FAF1: variants seen among roughly 807,000 people sequenced by gnomAD.
The protein encoded by FAF1 is Fas associated factor 1.
FAF1 carries 25 observed loss-of-function variants against 92.5 expected under a neutral mutation model. The observed-to-expected ratio is 0.27, with a 90% confidence interval of 0.20 to 0.38. FAF1 has a LOEUF of 0.38. FAF1 is among the 10% of genes least tolerant of loss of function. FAF1 has a pLI of 1.00. For missense variants in FAF1, 636 were observed against 793.3 expected (o/e 0.80, Z 2.38); for synonymous variants, 234 against 273.2 (o/e 0.86, Z 1.42).
intron 4 of FAF1, among the ~76,000 whole-genome samples, chr1:50,784,398 A>G (rs938287634): frequency 6.6e-6 from 1 of 152,214 alleles, no homozygotes; most frequent in Non-Finnish European, 1.5e-5. Flanking sequence ...CTATATACTA[A>G]CACTGAACAA....
intron 6 of FAF1, among the ~76,000 whole-genome samples, chr1:50,729,503 T>C (rs1031078555): frequency 2.0e-4 from 30 of 151,342 alleles, no homozygotes; most frequent in Non-Finnish European, 4.1e-4. Flanking sequence ...GCCTCCTGGG[T>C]TCAAGCAATT....
intron 13 of FAF1, among the ~76,000 whole-genome samples, chr1:50,552,510 A>G (rs1216643518): frequency 6.6e-6 from 1 of 152,188 alleles, no homozygotes; most frequent in Non-Finnish European, 1.5e-5. Context: ...GAAAAGATTG[A>G]TATAACTCTT....
chr1:50,473,992 G>A (rs976582217), intron 18 of FAF1, among the ~76,000 whole-genome samples: 1 of 152,092 alleles, frequency 6.6e-6, no homozygotes, highest in Non-Finnish European at 1.5e-5. Context: ...ATATAAAGCA[G>A]GAATACCAGA....
intron 1 of FAF1, among the ~76,000 whole-genome samples, chr1:50,876,013 T>C (rs1420879154): frequency 6.6e-6 from 1 of 152,220 alleles, no homozygotes; most frequent in East Asian, 1.9e-4. Flanking sequence ...CTGAAGCAGC[T>C]CACTGTCTAA....
At chr1:50,551,724 A>T (rs1372213765) in intron 13 of FAF1, among the ~76,000 whole-genome samples, 1 of 152,180 alleles carries the variant, frequency 6.6e-6, no homozygotes, top group Non-Finnish European at 1.5e-5. Flanking sequence ...GTTCCAAAAG[A>T]TCCTTTAGAT....
At chr1:50,824,644 T>C (rs1238892045) in intron 2 of FAF1, among the ~76,000 whole-genome samples, 1 of 152,144 alleles carries the variant, frequency 6.6e-6, no homozygotes, top group East Asian at 1.9e-4. Context: ...ATAGTTGCAC[T>C]CCTATGTTTA....
chr1:50,463,178 G>T (rs1449799142), intron 18 of FAF1, among the ~76,000 whole-genome samples: 1 of 152,120 alleles, frequency 6.6e-6, no homozygotes, highest in East Asian at 1.9e-4. Context: ...AAAAGCCCTG[G>T]GCAGAGTCCC....
chr1:50,792,117 A>G (rs1661583624), intron 3 of FAF1, among the ~76,000 whole-genome samples: 1 of 152,214 alleles, frequency 6.6e-6, no homozygotes, highest in Non-Finnish European at 1.5e-5. Context: ...TTTGATGGTA[A>G]TAATGACACC....
chr1:50,523,987 G>A (rs1349687353), intron 15 of FAF1, among the ~76,000 whole-genome samples: 1 of 152,154 alleles, frequency 6.6e-6, no homozygotes, highest in African/African-American at 2.4e-5. Flanking sequence ...CACAATGGTT[G>A]AACTAAATTA....
In FAF1 at chr1:50,717,398, G is replaced by A. The variant is rs139607680; in HGVS notation, c.552-11507C>T. Among the ~76,000 whole-genome samples, 473 of 152,262 alleles carry A rather than the reference G, an allele frequency of 3.1e-3. 4 individuals carry two copies. The highest frequency in any genetic ancestry group is 0.011 in the African/African-American group (439 of 41,546). ...TCTTTCTGCCTTGGGAGGACACAAT[G>A]AGAAGGTGACAAAGCCAGGATGAGG... On this transcript the variant is annotated intron_variant, in intron 6 of 18. Transcript: ENST00000396153.
chr1:50,584,886 A>G, intron 9 of FAF1, 75 bp from the exon 10 acceptor site: 2 of 1,318,528 alleles, frequency 1.5e-6, no homozygotes, highest in Non-Finnish European at 2.1e-6. Context: ...TATAATAATA[A>G]CAACAGGACA....
chr1:50,683,890 C>T (rs985416643), intron 7 of FAF1, among the ~76,000 whole-genome samples: 4 of 151,422 alleles, frequency 2.6e-5, no homozygotes, highest in African/African-American at 4.9e-5. Flanking sequence ...CAAGATCGCG[C>T]CATTGCACTT....
intron 4 of FAF1, among the ~76,000 whole-genome samples, chr1:50,747,085 C>A (rs1298999432): frequency 1.3e-5 from 2 of 152,208 alleles, no homozygotes; most frequent in Non-Finnish European, 2.9e-5. Context: ...AGAATCTCTA[C>A]TAGGACAGTG....
intron 12 of FAF1, among the ~76,000 whole-genome samples, chr1:50,579,234 A>G (rs1211968519): frequency 6.6e-6 from 1 of 152,152 alleles, no homozygotes; most frequent in African/African-American, 2.4e-5. Flanking sequence ...TCTTTTGTCT[A>G]CGATATACTG....
At position 50,880,647 on chromosome 1, in the gene FAF1, T is replaced by C. The variant is rs111634926; in HGVS notation, c.46-22650A>G. On this transcript the variant is annotated intron_variant, in intron 1 of 18. Coordinates refer to ENST00000396153, the MANE Select transcript of FAF1 (RefSeq NM_007051.3). ...CTAGAAATGATATCATGTGAAACAT[T>C]GATCGTGGACTTCTAGCCTCCAGAA... Among the ~76,000 whole-genome samples, 432 of 152,342 alleles carry C rather than the reference T, an allele frequency of 2.8e-3. 4 individuals are homozygous for C. The highest frequency in any genetic ancestry group is 9.9e-3 in the African/African-American group (410 of 41,580).
chr1:50,852,143 A>C (rs1570052676), intron 2 of FAF1, among the ~76,000 whole-genome samples: 1 of 152,284 alleles, frequency 6.6e-6, no homozygotes, highest in South Asian at 2.1e-4. Context: ...AGTATTTCTC[A>C]AAAAAAGCCA....
chr1:50,955,958 AAGT>A (rs1471591590), intron 1 of FAF1, among the ~76,000 whole-genome samples: 1 of 152,176 alleles, frequency 6.6e-6, no homozygotes, highest in African/African-American at 2.4e-5. Flanking sequence ...CAGAGATAGA[AAGT>A]AGGATGGTGG....
intron 1 of FAF1, among the ~76,000 whole-genome samples, chr1:50,905,595 CTGAT>C (rs1286755393): frequency 6.6e-6 from 1 of 152,136 alleles, no homozygotes; most frequent in Non-Finnish European, 1.5e-5. Context: ...GAGATGGTAT[CTGAT>C]TGTGGTTTTA....
intron 1 of FAF1, among the ~76,000 whole-genome samples, chr1:50,956,743 G>A (rs1369110050): frequency 1.3e-5 from 2 of 152,300 alleles, no homozygotes; most frequent in Non-Finnish European, 2.9e-5. Flanking sequence ...GAGGTCGGGG[G>A]TTCGAGACCA....
Sources: gnomAD v4.1 joint callset for allele counts (sites outside exome capture counted in the v4.1 genomes callset) on GRCh38, gnomAD v4.1.1 for gene constraint, MANE v1.5 for transcripts, NCBI Gene and HGNC (gene_info 2026-07-23, HGNC 2026-07-21) for gene names.